NOSTRIN: variants seen among roughly 807,000 people sequenced by gnomAD.
The protein encoded by NOSTRIN is BM247 homolog.
Under a neutral mutation model 59.0 loss-of-function variants are expected in NOSTRIN, and 63 were observed. That is an observed-to-expected ratio of 1.07 (90% CI 0.87 to 1.32). The LOEUF (loss-of-function observed/expected upper bound fraction) is 1.32. NOSTRIN is among the 40% of genes most tolerant of loss of function. The probability of loss-of-function intolerance (pLI) is 0.00; values close to 1 mark genes in which losing one functional copy is unlikely to be tolerated. For synonymous variants in NOSTRIN, 200 were observed against 165.4 expected (o/e 1.21, Z -1.61); for missense variants, 512 against 473.1 (o/e 1.08, Z -0.76).
intron 7 of NOSTRIN, among the ~76,000 whole-genome samples, chr2:168,836,982 AGGT>A (rs1687760773): frequency 6.6e-6 from 1 of 152,182 alleles, no homozygotes; most frequent in Non-Finnish European, 1.5e-5. Context: ...GTGTGGGATC[AGGT>A]GCTATCTGGT....
intron 7 of NOSTRIN, among the ~76,000 whole-genome samples, chr2:168,840,912 A>G (rs962362498): frequency 4.6e-5 from 7 of 152,146 alleles, no homozygotes; most frequent in Non-Finnish European, 8.8e-5. Context: ...AGAATTCTGG[A>G]ATTTGTAATT....
At chr2:168,803,231 A>G (rs1023576221) in intron 1 of NOSTRIN, among the ~76,000 whole-genome samples, 4 of 152,216 alleles carry the variant, frequency 2.6e-5, no homozygotes, top group African/African-American at 7.2e-5. Flanking sequence ...TGTTTGGAGC[A>G]CTACCAAAAA....
Position 168,845,789 on chromosome 2 carries a change from C to CT in NOSTRIN, c.630+2672_630+2673insT, listed in dbSNP as rs1559132593. 4.5e-4 allele frequency among the ~76,000 whole-genome samples: 39 copies of CT among 86,104 alleles called. 1 individual carries two copies. Among genetic ancestry groups the CT allele is most frequent in the African/African-American group, 2.5e-3 (35 of 13,726 alleles). The allele number at this position is 86,104 out of a possible 152,430, so 56.5% of individuals were successfully genotyped here. ...AAGACCTAGTTTTAGTTTTTTTCTTCCTTTTTTTTTTTTTTTTTGTTAGAA... is the reference window on the plus strand; with the variant it reads ...AAGACCTAGTTTTAGTTTTTTTCTTCTCTTTTTTTTTTTTTTTTTGTTAGAA... On this transcript the variant is annotated intron_variant, in intron 8 of 15. Coordinates refer to ENST00000317647, the MANE Select transcript of NOSTRIN (RefSeq NM_001039724.4).
intron 2 of NOSTRIN, among the ~76,000 whole-genome samples, chr2:168,815,431 G>T (rs1559109813): frequency 6.6e-6 from 1 of 152,160 alleles, no homozygotes; most frequent in Non-Finnish European, 1.5e-5. Context: ...TTGGCTTCCT[G>T]CATCCTCAGA....
chr2:168,808,537 G>A (rs1355712403), intron 1 of NOSTRIN, among the ~76,000 whole-genome samples: 1 of 152,180 alleles, frequency 6.6e-6, no homozygotes, highest in East Asian at 1.9e-4. Flanking sequence ...AAGGCCCCAT[G>A]GCTTTTTGTT....
At chr2:168,849,095 G>A (rs1483369252) in intron 8 of NOSTRIN, among the ~76,000 whole-genome samples, 1 of 152,170 alleles carries the variant, frequency 6.6e-6, no homozygotes, top group Admixed American at 6.5e-5. Context: ...AGGTGAGCAA[G>A]GAGAACCCAG....
At chr2:168,818,775 G>A (rs1291422790) in intron 2 of NOSTRIN, among the ~76,000 whole-genome samples, 3 of 152,140 alleles carry the variant, frequency 2.0e-5, no homozygotes, top group African/African-American at 7.2e-5. Context: ...AAATTAGAAT[G>A]TAAAGGGATT....
chr2:168,797,079 C>CTTTTCTTTTT (rs1553519713), upstream of NOSTRIN, among the ~76,000 whole-genome samples: 38 of 75,028 alleles, frequency 5.1e-4, no homozygotes, highest in African/African-American at 7.1e-4. Flanking sequence ...TTTCTTTTTT[C>CTTTTCTTTTT]TTTTTTTTTT....
intron 15 of NOSTRIN, chr2:168,863,246 T>TAATAGATTATGTCAATTTAC (rs1689587132): frequency 4.1e-6 from 1 of 241,382 alleles, no homozygotes; most frequent in Non-Finnish European, 6.7e-6. Flanking sequence ...GAATTCTTGT[T>TAATAGATTATGTCAATTTAC]AATAGATTAT....
At chr2:168,831,435 A>G (rs767029193) in intron 5 of NOSTRIN, 37 bp from the exon 6 acceptor site, 2 of 852,398 alleles carry the variant, frequency 2.3e-6, no homozygotes, top group East Asian at 2.4e-5. Context: ...AAACAAGAAG[A>G]AAGCAAAGCT....
chr2:168,841,264 A>C (rs1382047225), intron 7 of NOSTRIN, among the ~76,000 whole-genome samples: 1 of 133,112 alleles, frequency 7.5e-6, no homozygotes, highest in Non-Finnish European at 1.6e-5. Context: ...AAAAAAAAGA[A>C]AAGAAAAAGA....
chr2:168,844,763 G>T (rs551506207), intron 8 of NOSTRIN, among the ~76,000 whole-genome samples: 9 of 152,136 alleles, frequency 5.9e-5, no homozygotes, highest in African/African-American at 2.2e-4. Flanking sequence ...CCAGCTACTC[G>T]GGAGGCTGAG....
upstream of NOSTRIN, among the ~76,000 whole-genome samples, chr2:168,797,283 G>C (rs1242611751): frequency 3.3e-5 from 5 of 151,676 alleles, no homozygotes; most frequent in African/African-American, 1.2e-4. Flanking sequence ...TTTTGGTAGA[G>C]ATGGGGTTTT....
chr2:168,862,098 T>G, intron 15 of NOSTRIN, 49 bp downstream of exon 15: 1 of 1,520,436 alleles, frequency 6.6e-7, no homozygotes, highest in Non-Finnish European at 9.1e-7. Flanking sequence ...ATTGAGATTC[T>G]TAGCATGAAT....
intron 8 of NOSTRIN, among the ~76,000 whole-genome samples, chr2:168,850,512 A>G (rs1293461182): frequency 2.0e-5 from 3 of 152,134 alleles, no homozygotes; most frequent in South Asian, 4.1e-4. Flanking sequence ...ACTATAAACA[A>G]TTCTAAAACT....
At chr2:168,843,284 A>G (rs1688207058) in intron 8 of NOSTRIN, among the ~76,000 whole-genome samples, 167 bp downstream of exon 8, 1 of 152,198 alleles carries the variant, frequency 6.6e-6, no homozygotes, top group African/African-American at 2.4e-5. Context: ...CAGTTTCTCC[A>G]TGGATACAAT....
intron 7 of NOSTRIN, among the ~76,000 whole-genome samples, chr2:168,841,235 C>CAAAAAAAAAAAAAAAAAAAA (rs57480764): frequency 1.9e-5 from 2 of 106,588 alleles, no homozygotes; most frequent in African/African-American, 7.0e-5. Flanking sequence ...ACCCTGTCTC[C>CAAAAAAAAAAAAAAAAAAAA]AAAAAAAAAA....
At chr2:168,844,661 G>A (rs1688298942) in intron 8 of NOSTRIN, among the ~76,000 whole-genome samples, 1 of 152,148 alleles carries the variant, frequency 6.6e-6, no homozygotes, top group African/African-American at 2.4e-5. Flanking sequence ...AAGAGGTCAG[G>A]AGATCGAGAC....
At chr2:168,823,180 C>A (rs1015658561) in intron 2 of NOSTRIN, among the ~76,000 whole-genome samples, 3 of 152,130 alleles carry the variant, frequency 2.0e-5, no homozygotes, top group African/African-American at 7.2e-5. Flanking sequence ...CCACACCTGG[C>A]TAATTTTTTG....
Sources: gnomAD v4.1 joint callset for allele counts (sites outside exome capture counted in the v4.1 genomes callset) on GRCh38, gnomAD v4.1.1 for gene constraint, MANE v1.5 for transcripts, NCBI Gene and HGNC (gene_info 2026-07-23, HGNC 2026-07-21) for gene names.